GALNT15: variants seen among roughly 807,000 people sequenced by gnomAD.
The protein encoded by GALNT15 is polypeptide N-acetylgalactosaminyltransferase 15, also known as UDP-GalNAc transferase T15.
A neutral mutation model predicts 66.8 loss-of-function variants in GALNT15; 67 were observed. The observed-to-expected ratio is 1.00, with a 90% CI of 0.82 to 1.23. GALNT15 has a LOEUF of 1.23. Among genes scored for constraint, GALNT15 ranks in the 50% most tolerant of loss-of-function variants. The pLI, the probability that GALNT15 is intolerant of heterozygous loss-of-function variation, is 0.00. For synonymous variants in GALNT15, 313 were observed against 311.5 expected, an observed-to-expected ratio of 1.00 and a Z score of -0.05; for missense variants, 827 against 804.3, an observed-to-expected ratio of 1.03 and a Z score of -0.34.
intron 8 of GALNT15, among the ~76,000 whole-genome samples, chr3:16,222,077 G>A (rs553074515): frequency 6.6e-6 from 1 of 152,286 alleles, no homozygotes; most frequent in East Asian, 1.9e-4. Flanking sequence ...ACAGAAAATA[G>A]TCTTTCCAGG....
chr3:16,243,679 A>C, the GALNT15 span, among the ~76,000 whole-genome samples: 1 of 152,188 alleles, frequency 6.6e-6, no homozygotes, highest in South Asian at 2.1e-4. Flanking sequence ...AAAGATTGGG[A>C]AGCATGGTCT....
chr3:16,228,408 AG>A lies in GALNT15; in HGVS notation c.*909del, dbSNP rs2064045791. ...GTAATTCCAGCACTTTGGGAGGCAG[AG>A]TTGGGAGGATCACCTGATGTCAGGG... On this transcript the variant is annotated 3_prime_UTR_variant, in exon 10 of 10. Coordinates refer to ENST00000339732, the MANE Select transcript of GALNT15 (RefSeq NM_054110.5). The A allele has an allele frequency of 8.5e-5, 75 of 879,794 alleles. No homozygotes were observed. Among genetic ancestry groups the A allele is most frequent in the Non-Finnish European group, 9.7e-5 (71 of 733,592 alleles). 54.5% of individuals were successfully genotyped at this position (879,794 alleles called of 1,614,324 possible).
the GALNT15 span, among the ~76,000 whole-genome samples, chr3:16,246,739 C>T: frequency 5.3e-5 from 8 of 152,146 alleles, no homozygotes; most frequent in African/African-American, 1.9e-4. Context: ...ACTCTTCTAA[C>T]TCTGGAAAGA....
chr3:16,203,541 TCTCACACACACACACA>T lies in GALNT15; in HGVS notation c.911+2720_911+2735del, dbSNP rs1174125133. ...CTCATTCTCTCTCTCTCTCTCTCTC[TCTCACACACACACACA>T]CACACACACACACACACACACACAC... On this transcript the variant is annotated intron_variant, in intron 3 of 9. Transcript: ENST00000339732. The surrounding 1 kb of genome is among the most constrained non-coding windows in gnomAD (Gnocchi z 6.2). 5.1e-5 allele frequency among the ~76,000 whole-genome samples: 3 copies of T among 58,630 alleles called. No homozygotes were observed. Among genetic ancestry groups the T allele is most frequent in the East Asian group, 6.2e-4 (1 of 1,604 alleles). 38.5% of individuals were successfully genotyped at this position (58,630 alleles called of 152,430 possible). A position where few individuals can be genotyped will look rare whatever the true frequency, so the allele number is the denominator to read the frequency against.
rs1373768370 is a variant in GALNT15, at chr3:16,176,200, CT to C, written c.539+512del. Reference sequence around the variant, plus strand: ...AATTGCAGTTTACATTTAGGGGGCTCTTCCCATGCGTCTGGATTTACTTTAC... The same window carrying C: ...AATTGCAGTTTACATTTAGGGGGCTCTCCCATGCGTCTGGATTTACTTTAC... On this transcript the variant is annotated intron_variant, in intron 1 of 9. Transcript: ENST00000339732. This position sits in a 1 kb window ranked among gnomAD's most constrained non-coding sequence, Gnocchi z 5.6. Among the ~76,000 whole-genome samples the C allele has an allele frequency of 2.0e-5, 3 of 152,192 alleles. No individual in the cohort carries two copies. Among genetic ancestry groups the C allele is most frequent in the African/African-American group, 7.2e-5 (3 of 41,446 alleles).
At chr3:16,178,561 T>G (rs1156628535) in intron 1 of GALNT15, among the ~76,000 whole-genome samples, 3 of 152,144 alleles carry the variant, frequency 2.0e-5, no homozygotes, top group East Asian at 1.9e-4. Flanking sequence ...GCCCAGGCCT[T>G]GGCTGCAGAC....
In GALNT15 at chr3:16,187,406, T is replaced by G. The variant is rs1051413679; in HGVS notation, c.540-8354T>G. ...GCCATCAGAGGGCGGCTGACTGCAC[T>G]GAATATTAAGATGGCCTCACTCTCA... On this transcript the variant is annotated intron_variant, in intron 1 of 9. Coordinates refer to ENST00000339732, the MANE Select transcript of GALNT15 (RefSeq NM_054110.5). This position sits in a 1 kb window ranked among gnomAD's most constrained non-coding sequence, Gnocchi z 5.1. 2.0e-5 allele frequency among the ~76,000 whole-genome samples: 3 copies of G among 152,250 alleles called. No individual in the cohort carries two copies. The highest frequency in any genetic ancestry group is 4.4e-5 in the Non-Finnish European group (3 of 68,042).
chr3:16,214,448 A>G (rs908364599), intron 6 of GALNT15, among the ~76,000 whole-genome samples: 2 of 152,236 alleles, frequency 1.3e-5, no homozygotes, highest in African/African-American at 4.8e-5. Context: ...TAGGAAGAAT[A>G]AATACGTTAA....
chr3:16,206,787 T>C (rs1050863762), intron 3 of GALNT15, among the ~76,000 whole-genome samples: 1 of 152,134 alleles, frequency 6.6e-6, no homozygotes, highest in African/African-American at 2.4e-5. Flanking sequence ...TTATGATTGC[T>C]GAAGGTGGCA....
chr3:16,212,047 CG>C (rs2063821140), intron 5 of GALNT15, among the ~76,000 whole-genome samples: 1 of 152,114 alleles, frequency 6.6e-6, no homozygotes, highest in African/African-American at 2.4e-5. Flanking sequence ...GTCTTCCTGC[CG>C]AATGAACTCC....
Position 16,183,886 on chromosome 3 carries a change from C to T in GALNT15, c.539+8196C>T, listed in dbSNP as rs2063493139. Among the ~76,000 whole-genome samples, 2 of 152,166 alleles carry T rather than the reference C, an allele frequency of 1.3e-5. No homozygotes were observed. The highest frequency in any genetic ancestry group is 1.3e-4 in the Admixed American group (2 of 15,284). On this transcript the variant is annotated intron_variant, in intron 1 of 9. Coordinates refer to ENST00000339732, the MANE Select transcript of GALNT15 (RefSeq NM_054110.5). The surrounding 1 kb of genome is among the most constrained non-coding windows in gnomAD (Gnocchi z 5.2). ...ATCCAAATGCATTTTTCCAAGTTCA[C>T]AGGGGATCCTGGAGCTGCAGGAAAA...
the GALNT15 span, among the ~76,000 whole-genome samples, chr3:16,244,839 A>T: frequency 6.6e-6 from 1 of 152,194 alleles, no homozygotes; most frequent in Non-Finnish European, 1.5e-5. Flanking sequence ...TTTAAAATAT[A>T]ACTCCAAAGT....
chr3:16,212,460 G>C, intron 5 of GALNT15, 109 bp from the exon 6 acceptor site: 1 of 971,004 alleles, frequency 1.0e-6, no homozygotes. Flanking sequence ...ACCATTGAGT[G>C]CTCACGATTT....
chr3:16,207,501 TAAAAA>T (rs36127239), intron 3 of GALNT15, among the ~76,000 whole-genome samples: 18 of 39,846 alleles, frequency 4.5e-4, no homozygotes, highest in South Asian at 1.5e-3. Flanking sequence ...CTCCAGGCTG[TAAAAA>T]AAAAAAAAAA....
downstream of GALNT15, among the ~76,000 whole-genome samples, chr3:16,232,391 C>T (rs921553756): frequency 2.0e-5 from 3 of 148,012 alleles, no homozygotes; most frequent in Non-Finnish European, 4.5e-5. Context: ...CATAGTAAGA[C>T]CCTATCTCTA....
chr3:16,224,315 A>T lies in GALNT15; in HGVS notation c.1773+1557A>T, dbSNP rs772399676. ...AGAGATAACAAAATGTGGCATACAC[A>T]TATTATTCAGCCTTAAAAAGGAAGA... is the stretch of plus-strand genomic sequence containing the variant. On this transcript the variant is annotated intron_variant, in intron 9 of 9. Coordinates refer to ENST00000339732, the MANE Select transcript of GALNT15 (RefSeq NM_054110.5). This position sits in a 1 kb window ranked among gnomAD's most constrained non-coding sequence, Gnocchi z 5.2. Among the ~76,000 whole-genome samples, 31 of 152,208 alleles carry T rather than the reference A, an allele frequency of 2.0e-4. No homozygotes were observed. The highest frequency in any genetic ancestry group is 4.4e-4 in the Non-Finnish European group (30 of 68,048).
chr3:16,230,610 G>A (rs186980654), downstream of GALNT15, among the ~76,000 whole-genome samples: 22 of 152,210 alleles, frequency 1.4e-4, no homozygotes, highest in Admixed American at 1.3e-3. The surrounding 1 kb of genome is among the most constrained non-coding windows in gnomAD (Gnocchi z 4.5). Context: ...AACAAGGATA[G>A]TGTACATAAT....
At chr3:16,242,776 C>T in the GALNT15 span, among the ~76,000 whole-genome samples, 1 of 151,776 alleles carries the variant, frequency 6.6e-6, no homozygotes, top group African/African-American at 2.4e-5. This position sits in a 1 kb window ranked among gnomAD's most constrained non-coding sequence, Gnocchi z 5.6. Context: ...GAGACCCTGT[C>T]TCAAAAAAGA....
At chr3:16,197,245 A>G (rs998664547) in intron 2 of GALNT15, among the ~76,000 whole-genome samples, 4 of 152,114 alleles carry the variant, frequency 2.6e-5, no homozygotes, top group Non-Finnish European at 5.9e-5. Context: ...GGGCTACCCC[A>G]GAGCTGGCAG....
Sources: gnomAD v4.1 joint callset for allele counts (sites outside exome capture counted in the v4.1 genomes callset) on GRCh38, gnomAD v4.1.1 for gene constraint, Gnocchi (gnomAD v3.1) non-coding constraint, MANE v1.5 for transcripts, NCBI Gene and HGNC (gene_info 2026-07-23, HGNC 2026-07-21) for gene names.